The following FANCC variants were observed in gnomAD, a reference collection of about 807,000 sequenced individuals.
FANCC encodes Fanconi anemia group C protein.
FANCC carries 55 observed loss-of-function variants against 71.3 expected under a neutral mutation model. The ratio of observed to expected loss-of-function variants is 0.77; its 90% CI spans 0.62 to 0.97. The LOEUF is 0.97. FANCC is among the 50% of genes least tolerant of loss of function. The pLI is 0.00. For synonymous variants in FANCC, 275 were observed against 244.9 expected (o/e 1.12, Z -1.15); for missense variants, 678 against 670.9 (o/e 1.01, Z -0.12).
At chr9:95,132,199 C>T (rs1827012110) in intron 8 of FANCC, among the ~76,000 whole-genome samples, 1 of 152,166 alleles carries the variant, frequency 6.6e-6, no homozygotes. Context: ...AATCGGGTAC[C>T]TTCCGGCCCT....
At chr9:95,102,968 G>A (rs10821450) in intron 14 of FANCC, among the ~76,000 whole-genome samples, 29,948 of 152,214 alleles carry the variant, frequency 0.2, 3,085 homozygotes, top group Middle Eastern at 0.3. Context: ...GCCCAGGCAC[G>A]TGCCAGTGTG....
At chr9:95,241,428 T>C (rs933650707) in intron 3 of FANCC, among the ~76,000 whole-genome samples, 1 of 151,888 alleles carries the variant, frequency 6.6e-6, no homozygotes, top group Non-Finnish European at 1.5e-5. Flanking sequence ...TGCAGGAACA[T>C]CTACTTGATG....
chr9:95,105,573 T>C (rs903789865), intron 14 of FANCC, among the ~76,000 whole-genome samples: 9 of 152,242 alleles, frequency 5.9e-5, no homozygotes, highest in Admixed American at 3.9e-4. Flanking sequence ...TTTGGTGGCA[T>C]GCAGTATGTT....
At chr9:95,126,814 T>C (rs1826055779) in intron 8 of FANCC, 5 of 509,742 alleles carry the variant, frequency 9.8e-6, no homozygotes, top group Non-Finnish European at 1.8e-5. Flanking sequence ...TACTCCTGTA[T>C]GTCCCACATT....
Position 95,154,245 on chromosome 9 carries a change from CAAA to C in FANCC, c.522-4161_522-4159del, listed in dbSNP as rs58720791. 5.2e-3 allele frequency among the ~76,000 whole-genome samples: 258 copies of C among 49,916 alleles called. 1 individual carries two copies. Among genetic ancestry groups the C allele is most frequent in the African/African-American group, 0.019 (247 of 12,952 alleles). 32.7% of individuals were successfully genotyped at this position (49,916 alleles called of 152,430 possible). The stretch of plus-strand genomic sequence containing the variant: ...AGGGTGACAGAGCAAGACTCCGTCT[CAAA>C]AAAAAAAAAAAAAAAAAAAAAAATT... On this transcript the variant is annotated intron_variant, in intron 6 of 14. Coordinates refer to ENST00000289081, the MANE Select transcript of FANCC (RefSeq NM_000136.3).
intron 1 of FANCC, among the ~76,000 whole-genome samples, chr9:95,311,363 G>A (rs747380752): frequency 1.3e-5 from 2 of 151,466 alleles, no homozygotes; most frequent in Non-Finnish European, 2.9e-5. Context: ...ATAGCTTTAA[G>A]TAAACAGTAA....
chr9:95,232,552 A>G (rs900968063), intron 4 of FANCC, among the ~76,000 whole-genome samples: 1 of 152,242 alleles, frequency 6.6e-6, no homozygotes, highest in East Asian at 1.9e-4. Flanking sequence ...CCTTGAATAA[A>G]TAAGATTTTT....
At position 95,100,488 on chromosome 9, in the gene FANCC, C is replaced by G. The variant is rs1159912221; in HGVS notation, c.*1219G>C. On this transcript the variant is annotated 3_prime_UTR_variant, in exon 15 of 15. Transcript: ENST00000289081. ...AAGACTCAGACTAATACACACAAAT[C>G]AAAATGGACAAAAGCAAGTCTTGAC... is the stretch of plus-strand genomic sequence containing the variant. 4.3e-6 allele frequency: 1 copy of G among 231,884 alleles called. No homozygotes were observed. Among genetic ancestry groups the G allele is most frequent in the African/African-American group, 2.2e-5 (1 of 45,276 alleles). 14.4% of individuals were successfully genotyped at this position (231,884 alleles called of 1,614,324 possible).
intron 9 of FANCC, 24 bp from the exon 10 acceptor site, chr9:95,125,209 G>C: frequency 6.3e-7 from 1 of 1,586,944 alleles, no homozygotes; most frequent in Non-Finnish European, 8.7e-7. Context: ...AGTCAGATCA[G>C]AACACGTTTA....
At chr9:95,285,620 G>A (rs376886176) in intron 1 of FANCC, among the ~76,000 whole-genome samples, 1 of 152,010 alleles carries the variant, frequency 6.6e-6, no homozygotes, top group South Asian at 2.1e-4. Context: ...GCTGCAGTGA[G>A]CTATGATTAT....
chr9:95,226,787 A>G (rs963094710), intron 4 of FANCC, among the ~76,000 whole-genome samples: 4 of 152,142 alleles, frequency 2.6e-5, no homozygotes, highest in African/African-American at 9.7e-5. Context: ...CAAGTGCAAT[A>G]TCTGTGAAGG....
intron 1 of FANCC, among the ~76,000 whole-genome samples, chr9:95,260,391 G>A (rs1014590114): frequency 1.3e-5 from 2 of 152,154 alleles, no homozygotes; most frequent in South Asian, 4.1e-4. Context: ...TCCTTTGCAG[G>A]GACGTGGATG....
At chr9:95,174,735 G>A (rs909608500) in intron 4 of FANCC, among the ~76,000 whole-genome samples, 1 of 152,154 alleles carries the variant, frequency 6.6e-6, no homozygotes, top group Non-Finnish European at 1.5e-5. Flanking sequence ...GCATATAAAT[G>A]TATGTATGTA....
At position 95,122,018 on chromosome 9, in the gene FANCC, C is replaced by T. The variant is rs534774035; in HGVS notation, c.996+3068G>A. Among the ~76,000 whole-genome samples, 17 of 152,084 alleles carry T rather than the reference C, an allele frequency of 1.1e-4. No individual in the cohort carries two copies. In the South Asian group the frequency reaches 2.1e-3, roughly 19 times the overall value. ...GACTATAAGCGCCCACCACCATGCCCGGCGAATTTTTTTGTATTTTTAGTA... is the reference window on the plus strand; with the variant it reads ...GACTATAAGCGCCCACCACCATGCCTGGCGAATTTTTTTGTATTTTTAGTA... On this transcript the variant is annotated intron_variant, in intron 10 of 14. Coordinates refer to ENST00000289081, the MANE Select transcript of FANCC (RefSeq NM_000136.3).
chr9:95,232,991 G>A (rs1830099562), intron 4 of FANCC, among the ~76,000 whole-genome samples: 1 of 152,108 alleles, frequency 6.6e-6, no homozygotes, highest in Non-Finnish European at 1.5e-5. Flanking sequence ...TGACCAACCA[G>A]TGTGGCCAGA....
intron 6 of FANCC, among the ~76,000 whole-genome samples, chr9:95,164,928 T>C (rs1226913635): frequency 6.6e-6 from 1 of 152,110 alleles, no homozygotes; most frequent in Non-Finnish European, 1.5e-5. Flanking sequence ...TTTTTCTTTG[T>C]TGGAAGGTTC....
At chr9:95,244,357 C>T (rs1374713717) in intron 3 of FANCC, among the ~76,000 whole-genome samples, 1 of 152,292 alleles carries the variant, frequency 6.6e-6, no homozygotes, top group African/African-American at 2.4e-5. Flanking sequence ...CAGTGAGCCG[C>T]GTTTTCCTAA....
chr9:95,204,805 C>T (rs1163681207), intron 4 of FANCC, among the ~76,000 whole-genome samples: 1 of 152,178 alleles, frequency 6.6e-6, no homozygotes, highest in African/African-American at 2.4e-5. Context: ...GTCCCAGTTG[C>T]ACCCAGACTC....
Position 95,300,039 on chromosome 9 carries a change from G to GT in FANCC, c.-79+17486dup, listed in dbSNP as rs1469079570. Among the ~76,000 whole-genome samples, 3 of 152,078 alleles carry GT rather than the reference G, an allele frequency of 2.0e-5. No individual in the cohort carries two copies. In the East Asian group the frequency reaches 5.8e-4, roughly 29 times the overall value. On this transcript the variant is annotated intron_variant, in intron 1 of 14. Coordinates refer to ENST00000289081, the MANE Select transcript of FANCC (RefSeq NM_000136.3). ...CTTTATCAGTCATTTCTTTGTAAGG[G>GT]TCTACACACAAAAGCCACTTGATAT...
Sources: allele counts gnomAD v4.1 joint callset (sites outside exome capture counted in the v4.1 genomes callset), GRCh38; gene constraint gnomAD v4.1.1; transcripts MANE v1.5; gene names NCBI Gene and HGNC (gene_info 2026-07-23, HGNC 2026-07-21).